Variants in SYNPR observed in about 807,000 individuals in gnomAD.
The protein encoded by SYNPR is synaptoporin.
In SYNPR, 23 loss-of-function variants were observed where a neutral mutation model predicts 32.9. That is an observed-to-expected ratio of 0.70 (90% CI 0.50 to 0.99). The LOEUF is 0.99. SYNPR is among the 50% of genes least tolerant of loss of function. The probability of loss-of-function intolerance (pLI) is 0.00; values close to 1 mark genes in which losing one functional copy is unlikely to be tolerated. For synonymous variants in SYNPR, 146 were observed against 135.9 expected, an observed-to-expected ratio of 1.07 and a Z score of -0.52; for missense variants, 318 against 349.3, an observed-to-expected ratio of 0.91 and a Z score of 0.71.
At chr3:63,608,635 A>G (rs1156452752) in intron 4 of SYNPR, among the ~76,000 whole-genome samples, 1 of 152,228 alleles carries the variant, frequency 6.6e-6, no homozygotes, top group African/African-American at 2.4e-5. Flanking sequence ...TTGCCATCAA[A>G]GAATCTTAAA....
At chr3:63,406,512 TTTTGC>T (rs2088362393) in intron 2 of SYNPR, among the ~76,000 whole-genome samples, 1 of 151,898 alleles carries the variant, frequency 6.6e-6, no homozygotes, top group African/African-American at 2.4e-5. Flanking sequence ...CTGAGAAAGA[TTTTGC>T]TTTATGTCCA....
chr3:63,491,962 G>A (rs1020979895), intron 3 of SYNPR, among the ~76,000 whole-genome samples: 6 of 152,042 alleles, frequency 3.9e-5, no homozygotes, highest in African/African-American at 1.2e-4. Context: ...TAGGCAAGAG[G>A]CACGATAAGA....
intron 2 of SYNPR, among the ~76,000 whole-genome samples, chr3:63,255,761 G>T (rs2086376781): frequency 6.6e-6 from 1 of 152,050 alleles, no homozygotes; most frequent in African/African-American, 2.4e-5. Flanking sequence ...AAGGACAGTG[G>T]GTGCAGTGCA....
intron 2 of SYNPR, among the ~76,000 whole-genome samples, chr3:63,262,728 A>G (rs930789541): frequency 6.6e-6 from 1 of 152,188 alleles, no homozygotes; most frequent in Admixed American, 6.5e-5. Flanking sequence ...CCAAGCAGCC[A>G]AAGTCCAGAG....
At chr3:63,400,188 C>T (rs1391182361) in intron 2 of SYNPR, among the ~76,000 whole-genome samples, 1 of 152,216 alleles carries the variant, frequency 6.6e-6, no homozygotes, top group East Asian at 1.9e-4. Context: ...GGCTTTTCTA[C>T]TTCTTATCTT....
chr3:63,534,982 G>A lies in SYNPR; in HGVS notation c.210-21561G>A, dbSNP rs181515315. Reference sequence around the variant, plus strand: ...CACATTGGGTATCAAATTACAATATGAAAGTGAAGGGGACAAACAGCCAAT... The same window carrying A: ...CACATTGGGTATCAAATTACAATATAAAAGTGAAGGGGACAAACAGCCAAT... On this transcript the variant is annotated intron_variant, in intron 3 of 5. Coordinates refer to ENST00000478300, the MANE Select transcript of SYNPR (RefSeq NM_001130003.2). Among the ~76,000 whole-genome samples the A allele has an allele frequency of 1.9e-4, 29 of 152,190 alleles. No individual in the cohort carries two copies. In the East Asian group the frequency reaches 3.5e-3, roughly 18 times the overall value.
At chr3:63,605,739 T>A (rs774586770) in intron 4 of SYNPR, among the ~76,000 whole-genome samples, 1 of 152,184 alleles carries the variant, frequency 6.6e-6, no homozygotes, top group Non-Finnish European at 1.5e-5. Flanking sequence ...ACAATGAAAT[T>A]TGAGCATTGA....
chr3:63,406,558 C>G (rs541079465), intron 2 of SYNPR, among the ~76,000 whole-genome samples: 8 of 152,004 alleles, frequency 5.3e-5, no homozygotes, highest in African/African-American at 1.4e-4. Context: ...GAGCCTGACT[C>G]TGATTCTCTC....
intron 3 of SYNPR, 58 bp from the exon 4 acceptor site, chr3:63,556,485 T>C (rs1702596151): frequency 6.8e-7 from 1 of 1,472,236 alleles, no homozygotes. Flanking sequence ...TAGACACAAG[T>C]CATGTATTTT....
intron 2 of SYNPR, among the ~76,000 whole-genome samples, chr3:63,461,771 G>T (rs1700587773): frequency 6.6e-6 from 1 of 151,910 alleles, no homozygotes; most frequent in South Asian, 2.1e-4. Flanking sequence ...TGATGTTACA[G>T]AAGTTACCAT....
At chr3:63,314,261 A>G (rs899652217) in intron 2 of SYNPR, among the ~76,000 whole-genome samples, 10 of 150,790 alleles carry the variant, frequency 6.6e-5, no homozygotes, top group African/African-American at 2.2e-4. Flanking sequence ...TGCTGGACCA[A>G]ATGGTAGTTC....
At chr3:63,369,581 T>C (rs2087770508) in intron 2 of SYNPR, among the ~76,000 whole-genome samples, 1 of 152,248 alleles carries the variant, frequency 6.6e-6, no homozygotes, top group Non-Finnish European at 1.5e-5. Context: ...GATGCACCAA[T>C]CCAATGCTTT....
intron 2 of SYNPR, among the ~76,000 whole-genome samples, chr3:63,320,887 C>G (rs894464490): frequency 6.6e-6 from 1 of 152,054 alleles, no homozygotes; most frequent in African/African-American, 2.4e-5. Context: ...TTTTCAGAAA[C>G]ACTGCCATCT....
chr3:63,491,966 G>A (rs748497346), intron 3 of SYNPR, among the ~76,000 whole-genome samples: 58 of 152,078 alleles, frequency 3.8e-4, no homozygotes, highest in Non-Finnish European at 7.2e-4. Context: ...CAAGAGGCAC[G>A]ATAAGAGGAA....
intron 5 of SYNPR, among the ~76,000 whole-genome samples, chr3:63,614,933 G>C (rs1436102700): frequency 1.3e-5 from 2 of 152,166 alleles, no homozygotes; most frequent in African/African-American, 4.8e-5. Context: ...CCTTAGACAA[G>C]CTTTCCACAT....
At chr3:63,343,975 C>A (rs1398757886) in intron 2 of SYNPR, among the ~76,000 whole-genome samples, 1 of 152,206 alleles carries the variant, frequency 6.6e-6, no homozygotes, top group Non-Finnish European at 1.5e-5. Flanking sequence ...TGCAGCCAAA[C>A]CCCCGAGTGA....
intron 2 of SYNPR, among the ~76,000 whole-genome samples, chr3:63,392,798 G>T (rs567303628): frequency 2.0e-5 from 3 of 151,984 alleles, no homozygotes; most frequent in Non-Finnish European, 4.4e-5. Flanking sequence ...GTTAACTTTT[G>T]TTTATACAAG....
intron 3 of SYNPR, among the ~76,000 whole-genome samples, chr3:63,543,952 G>C (rs145106133): frequency 2.6e-5 from 4 of 152,174 alleles, no homozygotes; most frequent in Non-Finnish European, 5.9e-5. Flanking sequence ...TCTAGTAAGA[G>C]AAAGAAGCAA....
chr3:63,488,788 AAG>A (rs1246096796), intron 3 of SYNPR, among the ~76,000 whole-genome samples: 14 of 152,252 alleles, frequency 9.2e-5, no homozygotes, highest in East Asian at 5.8e-4. Context: ...TTCTGCAGTA[AAG>A]AGAGGAGCTA....
Sources: gnomAD v4.1 joint callset for allele counts (sites outside exome capture counted in the v4.1 genomes callset) on GRCh38, gnomAD v4.1.1 for gene constraint, MANE v1.5 for transcripts, NCBI Gene and HGNC (gene_info 2026-07-23, HGNC 2026-07-21) for gene names.